The following LHCGR variants were observed in gnomAD, a reference collection of about 807,000 sequenced individuals.
LHCGR encodes lutropin-choriogonadotropic hormone receptor.
LHCGR carries 55 observed loss-of-function variants against 60.7 expected under a neutral mutation model. The ratio of observed to expected loss-of-function variants is 0.91; its 90% CI spans 0.73 to 1.13. The LOEUF (loss-of-function observed/expected upper bound fraction) is 1.13, where lower values mean the gene tolerates loss of function less well. LHCGR is among the 50% of genes most tolerant of loss of function. The pLI, the probability that LHCGR is intolerant of heterozygous loss-of-function variation, is 0.00. For missense variants in LHCGR, 862 were observed against 836.0 expected (o/e 1.03, Z -0.38); for synonymous variants, 337 against 316.5 (o/e 1.06, Z -0.69).
rs1255330869 is a variant in LHCGR at position 48,713,975 on chromosome 2, C to T, written c.605+11G>A. On this transcript the variant is annotated intron_variant, in intron 7 of 10. Coordinates refer to ENST00000294954, the MANE Select transcript of LHCGR (RefSeq NM_000233.4). ...TTTATTCCTGAGCTGGGGAAATAAGCAAATACTTACAGTGAAGTCAGTGTC... is the reference window on the plus strand; with the variant it reads ...TTTATTCCTGAGCTGGGGAAATAAGTAAATACTTACAGTGAAGTCAGTGTC... The T allele has an allele frequency of 1.3e-6, 2 of 1,581,500 alleles. No homozygotes were observed. Among genetic ancestry groups the T allele is most frequent in the Non-Finnish European group, 1.7e-6 (2 of 1,150,354 alleles).
rs1333886850 is a variant in LHCGR, at chr2:48,723,481, C to A, written c.511G>T (p.Gly171Trp). The change falls in exon 6 of 11, where the codon GGG becomes TGG. Residue 171 changes from glycine to tryptophan, a missense_variant. Physicochemically the swap from Gly to Trp is radical, Grantham distance 184. Transcript: ENST00000294954. ...AGTGTTACAGATTCATTATTCATCC[C>A]TTGAAAAGCATTTCCTGGTATGGTG... ...ITTIPGNAFQ[G>W]MNNESVTLKL... The A allele has an allele frequency of 1.2e-6, 2 of 1,612,246 alleles. No homozygotes were observed. The highest frequency in any genetic ancestry group is 1.7e-6 in the Non-Finnish European group (2 of 1,178,328).
intron 8 of LHCGR, among the ~76,000 whole-genome samples, chr2:48,705,101 A>C (rs1358102662): frequency 6.6e-6 from 1 of 152,066 alleles, no homozygotes; most frequent in Non-Finnish European, 1.5e-5. Flanking sequence ...CTTTGTTCTC[A>C]TTGGTTTCAA....
chr2:48,729,035 C>G (rs1668867342), intron 3 of LHCGR, 118 bp downstream of exon 3: 1 of 849,548 alleles, frequency 1.2e-6, no homozygotes, highest in African/African-American at 1.7e-5. Flanking sequence ...CTAGTAATTG[C>G]TGTAGTCTTT....
Position 48,696,440 on chromosome 2 carries a change from C to T in LHCGR, c.867-2136G>A, listed in dbSNP as rs1316104670. Reference sequence around the variant, plus strand: ...AGATATGTGACATTTGCCTATTTTCCTTTTCATAAGTTTCAAATAGACTTA... The same window carrying T: ...AGATATGTGACATTTGCCTATTTTCTTTTTCATAAGTTTCAAATAGACTTA... On this transcript the variant is annotated intron_variant, in intron 9 of 10. Coordinates refer to ENST00000294954, the MANE Select transcript of LHCGR (RefSeq NM_000233.4). Among the ~76,000 whole-genome samples the T allele has an allele frequency of 3.3e-5, 5 of 152,258 alleles. No individual in the cohort carries two copies. The East Asian group carries it at 7.7e-4, about 24-fold the overall frequency.
intron 1 of LHCGR, among the ~76,000 whole-genome samples, chr2:48,755,229 G>T (rs1670153091): frequency 6.6e-6 from 1 of 151,810 alleles, no homozygotes; most frequent in South Asian, 2.1e-4. Context: ...GCGGCAGAGA[G>T]CAGGCCTTCC....
chr2:48,694,108 G>C, intron 10 of LHCGR, 116 bp downstream of exon 10: 1 of 720,510 alleles, frequency 1.4e-6, no homozygotes. Context: ...ATTAAAAGTT[G>C]CTTTGCAACA....
At chr2:48,721,134 G>A (rs1334690456) in intron 6 of LHCGR, 1 of 152,514 alleles carries the variant, frequency 6.6e-6, no homozygotes, top group African/African-American at 2.4e-5. Context: ...CCCTCATTGA[G>A]ACTATGAACT....
rs748746872 is a variant in LHCGR at position 48,688,773 on chromosome 2, G to A, written c.1024C>T (p.Arg342Ter). Reference sequence around the variant, plus strand: ...AAAGCATCTGGTTCAGGAGCACATCGGGGTGTCTTGGGTAAGCAGAAACCA... The same window carrying A: ...AAAGCATCTGGTTCAGGAGCACATCAGGGTGTCTTGGGTAAGCAGAAACCA... ...EYGFCLPKTPRCAPEPDAFNP... is the reference protein window; with the variant it reads ...EYGFCLPKTP Residue 342 changes from arginine to a stop codon, truncating the protein, a stop_gained, in exon 11 of 11, where the codon CGA becomes TGA. Coordinates refer to ENST00000294954, the MANE Select transcript of LHCGR (RefSeq NM_000233.4). LOFTEE classifies it high-confidence loss of function. This position sits in a 1 kb window ranked among gnomAD's most constrained non-coding sequence, Gnocchi z 5.2. The A allele has an allele frequency of 3.1e-6, 5 of 1,614,080 alleles. No individual in the cohort carries two copies. Among genetic ancestry groups the A allele is most frequent in the South Asian group, 2.2e-5 (2 of 91,072 alleles).
chr2:48,696,911 C>T (rs992862308), intron 9 of LHCGR, among the ~76,000 whole-genome samples: 9 of 152,192 alleles, frequency 5.9e-5, no homozygotes, highest in African/African-American at 2.2e-4. Flanking sequence ...ACCAGTATCT[C>T]TGTCATTTTC....
intron 4 of LHCGR, among the ~76,000 whole-genome samples, chr2:48,724,006 A>T (rs1668615980): frequency 6.6e-6 from 1 of 152,056 alleles, no homozygotes; most frequent in Non-Finnish European, 1.5e-5. Context: ...AATCAATCAC[A>T]TTTTCCCGTA....
At chr2:48,689,730 T>C (rs1680117135) in intron 10 of LHCGR, among the ~76,000 whole-genome samples, 1 of 152,116 alleles carries the variant, frequency 6.6e-6, no homozygotes, top group Admixed American at 6.5e-5. Flanking sequence ...TCTCTTTTTT[T>C]TTTGAGACGG....
chr2:48,755,624 C>CTGCAGG lies in LHCGR; in HGVS notation c.47_48insCCTGCA (p.Leu17_Gln18dup). ...GCGCTCGTGGCAGCGGCGGCTGCAG[C>CTGCAGG]AGCAGCAGCAGCTTCAGCAGCTGCA... On this transcript the variant is annotated inframe_insertion, in exon 1 of 11. Transcript: ENST00000294954. 5.9e-6 allele frequency: 9 copies of CTGCAGG among 1,535,758 alleles called. No individual in the cohort carries two copies. Among genetic ancestry groups the CTGCAGG allele is most frequent in the African/African-American group, 1.4e-5 (1 of 73,034 alleles).
At chr2:48,720,307 T>A (rs750466397) in intron 6 of LHCGR, 1 of 152,182 alleles carries the variant, frequency 6.6e-6, no homozygotes, top group Non-Finnish European at 1.5e-5. Flanking sequence ...TTGGTTTTCT[T>A]CTTCACCCTC....
Position 48,723,461 on chromosome 2 carries a change from T to G in LHCGR, c.531A>C (p.Val177=), listed in dbSNP as rs1447839406. The part of the protein sequence containing the change: ...NAFQGMNNES[V]TLKLYGNGFE... ...AAATCTGGGAGTTTACTCACAGTGT[T>G]ACAGATTCATTATTCATCCCTTGAA... Residue 177 remains valine (V), a synonymous_variant, in exon 6 of 11, where the codon GTA becomes GTC. Coordinates refer to ENST00000294954, the MANE Select transcript of LHCGR (RefSeq NM_000233.4). The G allele has an allele frequency of 6.2e-7, 1 of 1,606,004 alleles. No individual in the cohort carries two copies. Among genetic ancestry groups the G allele is most frequent in the Non-Finnish European group, 8.5e-7 (1 of 1,172,636 alleles).
chr2:48,729,466 T>A (rs1015263061), intron 2 of LHCGR, among the ~76,000 whole-genome samples: 1 of 152,182 alleles, frequency 6.6e-6, no homozygotes, highest in African/African-American at 2.4e-5. Flanking sequence ...CCCCTGTTTA[T>A]GTGACAAGTT....
At chr2:48,719,053 T>C (rs931453402) in intron 6 of LHCGR, among the ~76,000 whole-genome samples, 1 of 152,210 alleles carries the variant, frequency 6.6e-6, no homozygotes, top group Non-Finnish European at 1.5e-5. Context: ...CCGGGCATGG[T>C]GGCTCACGCC....
At position 48,747,843 on chromosome 2, in the gene LHCGR, C is replaced by T. The variant is rs142129984; in HGVS notation, c.161+7668G>A. 2.5e-3 allele frequency among the ~76,000 whole-genome samples: 374 copies of T among 152,256 alleles called. 2 individuals are homozygous for T. Among genetic ancestry groups the T allele is most frequent in the African/African-American group, 8.4e-3 (351 of 41,550 alleles). ...AAAAAAGACTTACCCAGAGCCCCAC[C>T]CAAGGTTTCCAGGTTGAAGTAATCC... On this transcript the variant is annotated intron_variant, in intron 1 of 10. Transcript: ENST00000294954.
chr2:48,740,444 C>G (rs1669395041), intron 1 of LHCGR, among the ~76,000 whole-genome samples: 1 of 152,228 alleles, frequency 6.6e-6, no homozygotes, highest in African/African-American at 2.4e-5. Flanking sequence ...ATGTCCCTGT[C>G]TGACAGCTTT....
chr2:48,692,323 A>T (rs766751450), intron 10 of LHCGR, among the ~76,000 whole-genome samples: 1 of 152,270 alleles, frequency 6.6e-6, no homozygotes, highest in South Asian at 2.1e-4. Context: ...TTCTGCCATG[A>T]TTTCTGGTTA....
Sources: allele counts gnomAD v4.1 joint callset (sites outside exome capture counted in the v4.1 genomes callset), GRCh38; gene constraint gnomAD v4.1.1; non-coding constraint Gnocchi (gnomAD v3.1); transcripts MANE v1.5; gene names NCBI Gene and HGNC (gene_info 2026-07-23, HGNC 2026-07-21).